SAP130: variants seen among roughly 807,000 people sequenced by gnomAD.
SAP130 encodes the protein Sin3A associated protein 130.
SAP130 carries 16 observed loss-of-function variants against 103.2 expected under a neutral mutation model. The observed-to-expected ratio is 0.16, with a 90% confidence interval of 0.10 to 0.24. The LOEUF (loss-of-function observed/expected upper bound fraction) is 0.24, where lower values mean the gene tolerates loss of function less well. Ranked by LOEUF, SAP130 falls within the 10% of genes least tolerant of loss-of-function variation. The probability of loss-of-function intolerance (pLI) is 1.00; values close to 1 mark genes in which losing one functional copy is unlikely to be tolerated. For missense variants in SAP130, 990 were observed against 1,359.7 expected (o/e 0.73, Z 4.28); for synonymous variants, 477 against 497.0 (o/e 0.96, Z 0.53).
chr2:127,941,797 G>T lies in SAP130; in HGVS notation c.*209C>A. 2 of 558,450 alleles carry T rather than the reference G, an allele frequency of 3.6e-6. No homozygotes were observed. Among genetic ancestry groups the T allele is most frequent in the Non-Finnish European group, 3.1e-6 (1 of 320,030 alleles). The allele number at this position is 558,450 out of a possible 1,614,324, so 34.6% of individuals were successfully genotyped here. On this transcript the variant is annotated 3_prime_UTR_variant, in exon 21 of 21. Coordinates refer to ENST00000643581, the MANE Select transcript of SAP130 (RefSeq NM_001330301.2). The stretch of plus-strand genomic sequence containing the variant: ...GACACAGATCAGGTTTAACAGGGGT[G>T]CACCCGAACGCAAGAAGGCAGCTCA...
intron 14 of SAP130, 81 bp from the exon 15 acceptor site, chr2:127,978,170 A>G: frequency 1.0e-6 from 1 of 967,772 alleles, no homozygotes; most frequent in Admixed American, 2.0e-5. Context: ...CACATTTGCC[A>G]GGCATACCTA....
chr2:128,002,925 A>C (rs760670900), intron 7 of SAP130, among the ~76,000 whole-genome samples: 2 of 152,104 alleles, frequency 1.3e-5, no homozygotes, highest in Non-Finnish European at 2.9e-5. Flanking sequence ...CCAGGAGTTC[A>C]AGACTGGCGT....
intron 7 of SAP130, among the ~76,000 whole-genome samples, chr2:128,000,998 A>G (rs1433814677): frequency 6.6e-6 from 1 of 152,226 alleles, no homozygotes; most frequent in Non-Finnish European, 1.5e-5. Flanking sequence ...AAATTTCCTG[A>G]AGAAAGATCA....
chr2:127,979,349 C>T (rs954137371), intron 14 of SAP130, among the ~76,000 whole-genome samples: 1 of 152,172 alleles, frequency 6.6e-6, no homozygotes, highest in Non-Finnish European at 1.5e-5. Context: ...TAAGATAATA[C>T]ATGTCTGTTG....
chr2:127,964,930 CG>C (rs1248693656), intron 15 of SAP130, among the ~76,000 whole-genome samples: 3 of 148,448 alleles, frequency 2.0e-5, no homozygotes, highest in Non-Finnish European at 1.5e-5. Context: ...ACCCGGGAGG[CG>C]GAAGTTGCAG....
At position 127,946,857 on chromosome 2, in the gene SAP130, C is replaced by G. The variant is rs190518356; in HGVS notation, c.2798-1298G>C. On this transcript the variant is annotated intron_variant, in intron 18 of 20. Coordinates refer to ENST00000643581, the MANE Select transcript of SAP130 (RefSeq NM_001330301.2). Reference sequence around the variant, plus strand: ...TAAGATCGCACCATTGTACTGCAGCCTGGGGGACAGAGCGAGACTCCGTCA... The same window carrying G: ...TAAGATCGCACCATTGTACTGCAGCGTGGGGGACAGAGCGAGACTCCGTCA... Among the ~76,000 whole-genome samples the G allele has an allele frequency of 8.5e-4, 127 of 150,282 alleles. 2 individuals carry two copies. The East Asian group carries it at 0.015, about 18-fold the overall frequency.
chr2:127,959,429 C>T (rs1361694636), intron 15 of SAP130, among the ~76,000 whole-genome samples: 1 of 152,200 alleles, frequency 6.6e-6, no homozygotes, highest in African/African-American at 2.4e-5. Flanking sequence ...AGAGTCTAGA[C>T]TTACCCGGCC....
chr2:128,008,245 T>A (rs1483743909), intron 7 of SAP130, among the ~76,000 whole-genome samples: 1 of 152,194 alleles, frequency 6.6e-6, no homozygotes, highest in Non-Finnish European at 1.5e-5. Context: ...CCCTGTAATG[T>A]GACTTGGAGA....
chr2:127,945,675 C>T (rs1322581976), intron 18 of SAP130, 116 bp from the exon 19 acceptor site: 1 of 656,624 alleles, frequency 1.5e-6, no homozygotes, highest in Admixed American at 2.5e-5. Context: ...TTTTTTGAGA[C>T]AGTGTCTGGC....
At position 127,989,802 on chromosome 2, in the gene SAP130, G is replaced by T. The variant is rs747303046; in HGVS notation, c.1542C>A (p.Val514=). ...AQTGVGVAST[V]HLNPMQLMTV... is the part of the protein sequence containing the mutation. ...TCATCAACTGCATGGGGTTTAGGTG[G>T]ACGGTAGACGCTACCCCAACACCAG... The change falls in exon 13 of 21, where the codon GTC becomes GTA. Residue 514 remains valine (V), a synonymous_variant. Coordinates refer to ENST00000643581, the MANE Select transcript of SAP130 (RefSeq NM_001330301.2). The surrounding 1 kb of genome is among the most constrained non-coding windows in gnomAD (Gnocchi z 4.6). 45 of 1,614,106 alleles carry T rather than the reference G, an allele frequency of 2.8e-5. No homozygotes were observed. Among genetic ancestry groups the T allele is most frequent in the Non-Finnish European group, 3.7e-5 (44 of 1,180,062 alleles).
At chr2:127,982,079 T>C (rs570283691) in intron 14 of SAP130, among the ~76,000 whole-genome samples, 121 of 152,206 alleles carry the variant, frequency 7.9e-4, no homozygotes, top group African/African-American at 2.9e-3. Context: ...TCTGTGACAT[T>C]TTCTATATAC....
At chr2:128,000,484 TGG>T (rs1559084944) in intron 7 of SAP130, 30 bp from the exon 8 acceptor site, 2 of 1,612,762 alleles carry the variant, frequency 1.2e-6, no homozygotes, top group Non-Finnish European at 1.7e-6. Flanking sequence ...ACAATGCAGA[TGG>T]GCAAGGTCAT....
intron 14 of SAP130, among the ~76,000 whole-genome samples, chr2:127,979,965 C>A (rs1681747319): frequency 6.6e-6 from 1 of 151,736 alleles, no homozygotes; most frequent in Non-Finnish European, 1.5e-5. Flanking sequence ...GCAATCTCCG[C>A]CTCCTGGGTT....
chr2:128,018,403 T>C (rs1684924351), intron 2 of SAP130, among the ~76,000 whole-genome samples: 2 of 141,600 alleles, frequency 1.4e-5, no homozygotes, highest in South Asian at 4.4e-4. Context: ...GAGGATCACC[T>C]GAGCCCAAAA....
chr2:127,969,916 A>G (rs1320210199), intron 15 of SAP130, among the ~76,000 whole-genome samples: 2 of 152,058 alleles, frequency 1.3e-5, no homozygotes, highest in African/African-American at 4.8e-5. Flanking sequence ...GCCATATAGC[A>G]AGACCTTGTC....
intron 2 of SAP130, among the ~76,000 whole-genome samples, chr2:128,025,839 C>A (rs1685464785): frequency 6.6e-6 from 1 of 152,084 alleles, no homozygotes; most frequent in Non-Finnish European, 1.5e-5. Context: ...GATAATAAAC[C>A]CCTAAAAGAC....
intron 15 of SAP130, among the ~76,000 whole-genome samples, chr2:127,958,925 G>A (rs1345824472): frequency 6.6e-6 from 1 of 152,142 alleles, no homozygotes; most frequent in African/African-American, 2.4e-5. Flanking sequence ...TCCTGAAGCT[G>A]TGGGGTGAGC....
Position 127,942,290 on chromosome 2 carries a change from C to T in SAP130, c.3016-126G>A, listed in dbSNP as rs1573605673. On this transcript the variant is annotated intron_variant, in intron 20 of 20. Transcript: ENST00000643581. This position sits in a 1 kb window ranked among gnomAD's most constrained non-coding sequence, Gnocchi z 4.8. ...CAACAGAGAAAATGTCTTTTTGTTT[C>T]TCAGGAGTGCAGGCTGAAGCACGTA... is the stretch of plus-strand genomic sequence containing the variant. 3 of 1,122,922 alleles carry T rather than the reference C, an allele frequency of 2.7e-6. No individual in the cohort carries two copies. The East Asian group carries it at 7.1e-5, about 26-fold the overall frequency. 69.6% of individuals were successfully genotyped at this position (1,122,922 alleles called of 1,614,324 possible).
At chr2:128,011,197 T>G (rs1039421864) in intron 6 of SAP130, among the ~76,000 whole-genome samples, 7 of 152,332 alleles carry the variant, frequency 4.6e-5, no homozygotes, top group African/African-American at 1.7e-4. Flanking sequence ...TCTACGTTAG[T>G]GAGTACAAGG....
Sources: allele counts gnomAD v4.1 joint callset (sites outside exome capture counted in the v4.1 genomes callset), GRCh38; gene constraint gnomAD v4.1.1; non-coding constraint Gnocchi (gnomAD v3.1); transcripts MANE v1.5; gene names NCBI Gene and HGNC (gene_info 2026-07-23, HGNC 2026-07-21).